The following KCNMB2 variants were observed in gnomAD, a reference collection of about 807,000 sequenced individuals.
KCNMB2 encodes the protein potassium calcium-activated channel subfamily M regulatory beta subunit 2, also known as calcium-activated potassium channel subunit beta-2.
KCNMB2 carries 9 observed loss-of-function variants against 24.5 expected under a neutral mutation model. The ratio of observed to expected loss-of-function variants is 0.37; its 90% CI spans 0.22 to 0.64. KCNMB2 has a LOEUF of 0.64. Among genes scored for constraint, KCNMB2 ranks in the 30% least tolerant of loss-of-function variants. KCNMB2 has a pLI of 0.63. For synonymous variants in KCNMB2, 109 were observed against 104.4 expected (o/e 1.04, Z -0.27); for missense variants, 226 against 284.3 (o/e 0.79, Z 1.47).
chr3:178,691,778 T>C (rs1435716914), intron 1 of KCNMB2, among the ~76,000 whole-genome samples: 1 of 152,218 alleles, frequency 6.6e-6, no homozygotes, highest in Non-Finnish European at 1.5e-5. Context: ...TACCTAGTAA[T>C]TGTTGGGTGG....
At chr3:178,680,010 G>C (rs1203808448) in intron 1 of KCNMB2, among the ~76,000 whole-genome samples, 1 of 152,056 alleles carries the variant, frequency 6.6e-6, no homozygotes, top group East Asian at 1.9e-4. Flanking sequence ...TCTGACCTTG[G>C]CAGGTGACAG....
intron 1 of KCNMB2, among the ~76,000 whole-genome samples, chr3:178,618,620 GA>G (rs1718799898): frequency 6.6e-6 from 1 of 152,160 alleles, no homozygotes; most frequent in African/African-American, 2.4e-5. Context: ...TTGGCAAACA[GA>G]AACCTATTTT....
chr3:178,576,637 G>GA (rs1717002779), intron 1 of KCNMB2, among the ~76,000 whole-genome samples: 1 of 152,304 alleles, frequency 6.6e-6, no homozygotes, highest in African/African-American at 2.4e-5. Flanking sequence ...GTCGACCTGG[G>GA]AGGCTCAAGC....
At chr3:178,549,886 A>G (rs1715891395) in intron 1 of KCNMB2, among the ~76,000 whole-genome samples, 1 of 152,198 alleles carries the variant, frequency 6.6e-6, no homozygotes, top group Non-Finnish European at 1.5e-5. Flanking sequence ...TAATCAGAAT[A>G]ACAATAGTTT....
intron 1 of KCNMB2, among the ~76,000 whole-genome samples, chr3:178,759,698 A>AAGAGG (rs1711639980): frequency 9.4e-6 from 1 of 106,474 alleles, no homozygotes; most frequent in African/African-American, 3.2e-5. Context: ...ATATATATAC[A>AAGAGG]CATATATATA....
intron 1 of KCNMB2, among the ~76,000 whole-genome samples, chr3:178,543,530 AG>A (rs1576999890): frequency 1.3e-5 from 2 of 152,354 alleles, no homozygotes; most frequent in South Asian, 4.1e-4. Flanking sequence ...TTGAATCCAA[AG>A]GGTGTTTCAT....
At chr3:178,781,395 C>A (rs1712830242) in intron 1 of KCNMB2, among the ~76,000 whole-genome samples, 2 of 151,486 alleles carry the variant, frequency 1.3e-5, no homozygotes, top group South Asian at 4.2e-4. Flanking sequence ...GGTTTGAGAC[C>A]AGCCTGGCCA....
At chr3:178,726,968 C>T (rs1295937347) in intron 1 of KCNMB2, among the ~76,000 whole-genome samples, 2 of 149,498 alleles carry the variant, frequency 1.3e-5, no homozygotes, top group African/African-American at 4.8e-5. Flanking sequence ...TCATTACTAC[C>T]CTGGCTAGAG....
chr3:178,660,136 C>T (rs1287883945), intron 1 of KCNMB2, among the ~76,000 whole-genome samples: 2 of 152,122 alleles, frequency 1.3e-5, no homozygotes, highest in Non-Finnish European at 2.9e-5. Flanking sequence ...GAATCCATTT[C>T]TGCTACTTAT....
rs141103000 is a variant in KCNMB2 at position 178,761,605 on chromosome 3, C to T, written c.-67-45738C>T. ...AATATAGATCAACTGTGCCACTGAT[C>T]AGCTAAAGCAAATCCTCCCATCCAT... is the stretch of plus-strand genomic sequence containing the variant. On this transcript the variant is annotated intron_variant, in intron 1 of 4. Transcript: ENST00000452583. 3.0e-3 allele frequency among the ~76,000 whole-genome samples: 462 copies of T among 152,270 alleles called. 3 individuals are homozygous for T. Among genetic ancestry groups the T allele is most frequent in the African/African-American group, 0.011 (443 of 41,562 alleles).
At chr3:178,669,389 A>G (rs760730638) in intron 1 of KCNMB2, among the ~76,000 whole-genome samples, 1 of 152,176 alleles carries the variant, frequency 6.6e-6, no homozygotes, top group Non-Finnish European at 1.5e-5. Context: ...GGAGAGAAGG[A>G]GAGGACAGAG....
chr3:178,570,708 TA>T (rs1716746969), intron 1 of KCNMB2, among the ~76,000 whole-genome samples: 1 of 152,020 alleles, frequency 6.6e-6, no homozygotes, highest in South Asian at 2.1e-4. Context: ...AGGCACCAGC[TA>T]AAAGAGCAAA....
chr3:178,838,997 T>C (rs924654672), intron 4 of KCNMB2, among the ~76,000 whole-genome samples: 3 of 152,178 alleles, frequency 2.0e-5, no homozygotes, highest in Non-Finnish European at 4.4e-5. Context: ...ACTAAAACAC[T>C]GTATAGATAA....
At chr3:178,652,616 C>CT (rs969598209) in intron 1 of KCNMB2, among the ~76,000 whole-genome samples, 19 of 147,556 alleles carry the variant, frequency 1.3e-4, no homozygotes, top group Non-Finnish European at 1.8e-4. Flanking sequence ...CTCTTTGCTC[C>CT]TTTTTTTTTC....
intron 1 of KCNMB2, among the ~76,000 whole-genome samples, chr3:178,556,782 G>T (rs1027588425): frequency 3.3e-5 from 5 of 152,214 alleles, no homozygotes; most frequent in African/African-American, 1.2e-4. Flanking sequence ...GCCAAAGGAA[G>T]AGCGAATTTT....
intron 1 of KCNMB2, among the ~76,000 whole-genome samples, chr3:178,716,818 T>C (rs1464078481): frequency 6.6e-6 from 1 of 152,164 alleles, no homozygotes; most frequent in Non-Finnish European, 1.5e-5. Context: ...CTGCAGGAAG[T>C]TGGGAGGAAC....
chr3:178,758,772 T>G (rs1181902612), intron 1 of KCNMB2, among the ~76,000 whole-genome samples: 1 of 2,204 alleles, frequency 4.5e-4, no homozygotes, highest in African/African-American at 2.1e-3. Flanking sequence ...AAGAGGGATA[T>G]ATATATATAT....
At chr3:178,775,666 G>A (rs538602824) in intron 1 of KCNMB2, among the ~76,000 whole-genome samples, 7 of 152,244 alleles carry the variant, frequency 4.6e-5, no homozygotes, top group African/African-American at 1.7e-4. Flanking sequence ...TTGATATAAT[G>A]AATATGGCTC....
At chr3:178,615,053 T>C (rs529693373) in intron 1 of KCNMB2, among the ~76,000 whole-genome samples, 1 of 152,302 alleles carries the variant, frequency 6.6e-6, no homozygotes, top group East Asian at 1.9e-4. Flanking sequence ...TTGGACAAGA[T>C]TTAGGAGAAT....
Sources: allele counts gnomAD v4.1 joint callset (sites outside exome capture counted in the v4.1 genomes callset), GRCh38; gene constraint gnomAD v4.1.1; transcripts MANE v1.5; gene names NCBI Gene and HGNC (gene_info 2026-07-23, HGNC 2026-07-21).